The following EPDR1 variants were observed in gnomAD, a reference collection of about 807,000 sequenced individuals.
The protein encoded by EPDR1 is mammalian ependymin-related protein 1.
A neutral mutation model predicts 23.7 loss-of-function variants in EPDR1; 27 were observed. That is an observed-to-expected ratio of 1.14 (90% CI 0.84 to 1.57). The LOEUF (loss-of-function observed/expected upper bound fraction) is 1.57, where lower values mean the gene tolerates loss of function less well. Among genes scored for constraint, EPDR1 ranks in the 40% most tolerant of loss-of-function variants. EPDR1 has a pLI of 0.00. For missense variants in EPDR1, 349 were observed against 290.4 expected (o/e 1.20, Z -1.47); for synonymous variants, 137 against 118.2 (o/e 1.16, Z -1.03).
chr7:37,927,179 A>G (rs1363757035), intron 1 of EPDR1, among the ~76,000 whole-genome samples: 1 of 152,208 alleles, frequency 6.6e-6, no homozygotes, highest in Non-Finnish European at 1.5e-5. Flanking sequence ...CAGTGCTATC[A>G]GGTGGCACTG....
intron 1 of EPDR1, among the ~76,000 whole-genome samples, chr7:37,941,413 G>A (rs1375647387): frequency 6.6e-6 from 1 of 152,174 alleles, no homozygotes; most frequent in African/African-American, 2.4e-5. Flanking sequence ...ATCAAAGTTA[G>A]CAGCATTAAT....
At chr7:37,949,092 TG>T in intron 2 of EPDR1, 44 bp downstream of exon 2, 1 of 1,576,422 alleles carries the variant, frequency 6.3e-7, no homozygotes, top group Non-Finnish European at 8.7e-7. Context: ...GCATGCATGA[TG>T]GGGAAAAAGG....
Position 37,920,675 on chromosome 7 carries a change from GGC to G in EPDR1, c.-264_-263del, listed in dbSNP as rs768149290. 3.7e-5 allele frequency: 59 copies of G among 1,582,544 alleles called. No homozygotes were observed. The highest frequency in any genetic ancestry group is 4.7e-5 in the Non-Finnish European group (55 of 1,157,992). On this transcript the variant is annotated 5_prime_UTR_variant, in exon 1 of 3. Transcript: ENST00000199448. The stretch of plus-strand genomic sequence containing the variant: ...GAAGCGGCAGAAGGCAGTGGCAGCA[GGC>G]AGTGGCAGCAGGCAGTGGCCCAGGC...
At chr7:37,927,203 T>C (rs1431053584) in intron 1 of EPDR1, among the ~76,000 whole-genome samples, 2 of 152,318 alleles carry the variant, frequency 1.3e-5, no homozygotes, top group East Asian at 1.9e-4. Flanking sequence ...CCAGGTCCTC[T>C]CAATGGACAA....
intron 1 of EPDR1, among the ~76,000 whole-genome samples, chr7:37,946,210 T>C (rs1786271383): frequency 6.6e-6 from 1 of 152,244 alleles, no homozygotes; most frequent in Non-Finnish European, 1.5e-5. Context: ...CATGTATCTT[T>C]AGAATAGAAT....
chr7:37,945,955 T>C (rs2722271), intron 1 of EPDR1, among the ~76,000 whole-genome samples: 43,031 of 152,094 alleles, frequency 0.28, 6,329 homozygotes, highest in Middle Eastern at 0.33. Context: ...AGCTCCCGCT[T>C]ATAAGTGAGA....
At position 37,937,985 on chromosome 7, in the gene EPDR1, A is replaced by ATTTTTT. The variant is rs35752051; in HGVS notation, c.270-10837_270-10832dup. Among the ~76,000 whole-genome samples, 254 of 72,396 alleles carry ATTTTTT rather than the reference A, an allele frequency of 3.5e-3. 19 individuals carry two copies. The highest frequency in any genetic ancestry group is 0.013 in the South Asian group (19 of 1,448). 47.5% of individuals were successfully genotyped at this position (72,396 alleles called of 152,430 possible). A position where few individuals can be genotyped will look rare whatever the true frequency, so the allele number is the denominator to read the frequency against. On this transcript the variant is annotated intron_variant, in intron 1 of 2. Coordinates refer to ENST00000199448, the MANE Select transcript of EPDR1 (RefSeq NM_017549.5). ...CTGAAGAAAAATGGGTGCCCTTTAA[A>ATTTTTT]TTTTTTTTTTTTTTTTTTTTTTTGA...
At chr7:37,945,327 C>G (rs1786252156) in intron 1 of EPDR1, among the ~76,000 whole-genome samples, 1 of 152,140 alleles carries the variant, frequency 6.6e-6, no homozygotes, top group Non-Finnish European at 1.5e-5. Context: ...ATATTTCTTT[C>G]TATATTCATT....
intron 1 of EPDR1, among the ~76,000 whole-genome samples, chr7:37,939,346 A>G (rs1310447893): frequency 1.3e-5 from 2 of 152,126 alleles, no homozygotes; most frequent in Admixed American, 6.5e-5. Flanking sequence ...TTAAATCTTA[A>G]TCTTAATATT....
At chr7:37,945,261 G>A (rs1786250264) in intron 1 of EPDR1, among the ~76,000 whole-genome samples, 1 of 152,150 alleles carries the variant, frequency 6.6e-6, no homozygotes, top group South Asian at 2.1e-4. Flanking sequence ...GACCCTGCAT[G>A]CATATTATAA....
At chr7:37,921,550 T>G (rs1319032864) in intron 1 of EPDR1, 2 of 1,217,704 alleles carry the variant, frequency 1.6e-6, no homozygotes, top group East Asian at 6.3e-5. Context: ...TCTGGGCTCA[T>G]GGAGCCCCCT....
chr7:37,946,846 G>A (rs985691250), intron 1 of EPDR1, among the ~76,000 whole-genome samples: 3 of 144,962 alleles, frequency 2.1e-5, no homozygotes, highest in Non-Finnish European at 3.1e-5. Context: ...TATCAAATAA[G>A]GACATAAAGA....
At chr7:37,926,782 A>G in intron 1 of EPDR1, 1 of 433,652 alleles carries the variant, frequency 2.3e-6, no homozygotes, top group Admixed American at 2.5e-5. Context: ...TCACTGTGAA[A>G]TGATACATTT....
intron 1 of EPDR1, among the ~76,000 whole-genome samples, chr7:37,926,269 C>T (rs1011322701): frequency 6.6e-6 from 1 of 152,114 alleles, no homozygotes; most frequent in Non-Finnish European, 1.5e-5. Context: ...AGAGCTTCCC[C>T]CTCGCCTGAA....
At chr7:37,944,506 G>T (rs1786233803) in intron 1 of EPDR1, among the ~76,000 whole-genome samples, 1 of 152,202 alleles carries the variant, frequency 6.6e-6, no homozygotes, top group African/African-American at 2.4e-5. Flanking sequence ...ACATACCTGA[G>T]ACTGGGTAAT....
intron 1 of EPDR1, among the ~76,000 whole-genome samples, chr7:37,926,244 G>A (rs949106064): frequency 6.6e-6 from 1 of 152,080 alleles, no homozygotes; most frequent in Non-Finnish European, 1.5e-5. Flanking sequence ...CAGAAAAGTT[G>A]CAATTATAAT....
At chr7:37,949,585 A>G (rs373951847) in intron 2 of EPDR1, among the ~76,000 whole-genome samples, 2 of 152,318 alleles carry the variant, frequency 1.3e-5, no homozygotes, top group African/African-American at 4.8e-5. Context: ...AGACTGCCAT[A>G]TGACCCAGCA....
rs375314628 is a variant in EPDR1 at position 37,921,137 on chromosome 7, G to A, written c.198G>A (p.Leu66=). The A allele has an allele frequency of 2.3e-5, 36 of 1,596,478 alleles. No homozygotes were observed. The African/African-American group carries it at 3.0e-4, about 13-fold the overall frequency. ...GTAGCGGGCGCAACAGCCGCGCCCTGCTCTCCTACGACGGGCTCAACCAGC... is the reference window on the plus strand; with the variant it reads ...GTAGCGGGCGCAACAGCCGCGCCCTACTCTCCTACGACGGGCTCAACCAGC... ...QQSSGRNSRA[L]LSYDGLNQRV... is the part of the protein sequence containing the mutation. Residue 66 remains leucine (L), a synonymous_variant, in exon 1 of 3, where the codon CTG becomes CTA. Coordinates refer to ENST00000199448, the MANE Select transcript of EPDR1 (RefSeq NM_017549.5).
chr7:37,948,392 G>A (rs541486474), intron 1 of EPDR1, among the ~76,000 whole-genome samples: 3 of 147,460 alleles, frequency 2.0e-5, no homozygotes, highest in South Asian at 4.3e-4. Flanking sequence ...CAGGCTGTAT[G>A]TAGTGCGGTG....
Sources: allele counts gnomAD v4.1 joint callset (sites outside exome capture counted in the v4.1 genomes callset), GRCh38; gene constraint gnomAD v4.1.1; transcripts MANE v1.5; gene names NCBI Gene and HGNC (gene_info 2026-07-23, HGNC 2026-07-21).